CACNG2: variants seen among roughly 807,000 people sequenced by gnomAD.
The protein encoded by CACNG2 is calcium voltage-gated channel auxiliary subunit gamma 2.
In CACNG2, 3 loss-of-function variants were observed where a neutral mutation model predicts 25.9. That is an observed-to-expected ratio of 0.12 (90% CI 0.05 to 0.30). The LOEUF (loss-of-function observed/expected upper bound fraction) is 0.30, where lower values mean the gene tolerates loss of function less well. Among genes scored for constraint, CACNG2 ranks in the 10% least tolerant of loss-of-function variants. The pLI is 1.00. For missense variants in CACNG2, 341 were observed against 432.5 expected (o/e 0.79, Z 1.88); for synonymous variants, 167 against 173.3 (o/e 0.96, Z 0.29).
intron 1 of CACNG2, among the ~76,000 whole-genome samples, chr22:36,610,399 T>A (rs1935922517): frequency 6.6e-6 from 1 of 151,558 alleles, no homozygotes; most frequent in South Asian, 2.1e-4. Flanking sequence ...AGAGCGTGAT[T>A]GGGAGGAATC....
At chr22:36,613,238 T>TG (rs901205972) in intron 1 of CACNG2, among the ~76,000 whole-genome samples, 3 of 152,028 alleles carry the variant, frequency 2.0e-5, no homozygotes, top group Non-Finnish European at 4.4e-5. Flanking sequence ...GATCACTCTT[T>TG]GGGGAACACT....
At chr22:36,640,048 G>C (rs889237526) in intron 1 of CACNG2, among the ~76,000 whole-genome samples, 1 of 152,192 alleles carries the variant, frequency 6.6e-6, no homozygotes, top group African/African-American at 2.4e-5. Flanking sequence ...CATCAAAAGT[G>C]AGCAGCTCTT....
At chr22:36,589,078 A>T (rs996189588) in intron 1 of CACNG2, among the ~76,000 whole-genome samples, 1 of 147,774 alleles carries the variant, frequency 6.8e-6, no homozygotes, top group African/African-American at 2.5e-5. Flanking sequence ...GCAACCTCCA[A>T]CTCCCAAGTT....
intron 1 of CACNG2, among the ~76,000 whole-genome samples, chr22:36,634,422 G>C (rs147367128): frequency 6.6e-6 from 1 of 152,210 alleles, no homozygotes; most frequent in Non-Finnish European, 1.5e-5. Context: ...AGATTGAAAG[G>C]CATATGTCCC....
intron 1 of CACNG2, among the ~76,000 whole-genome samples, chr22:36,612,366 TA>T (rs1935955261): frequency 6.6e-6 from 1 of 152,230 alleles, no homozygotes; most frequent in South Asian, 2.1e-4. Context: ...TATATTAGTA[TA>T]ACATAAGGTG....
chr22:36,657,022 G>C (rs1244792449), intron 1 of CACNG2, among the ~76,000 whole-genome samples: 1 of 152,206 alleles, frequency 6.6e-6, no homozygotes, highest in East Asian at 1.9e-4. Context: ...GGATCCCAGT[G>C]CCCGGAAGAG....
rs1935122009 is a variant in CACNG2, at chr22:36,566,238, G to A, written c.436+115C>T. 5 of 1,096,082 alleles carry A rather than the reference G, an allele frequency of 4.6e-6. No homozygotes were observed. In the African/African-American group the frequency reaches 6.2e-5, roughly 14 times the overall value. 67.9% of individuals were successfully genotyped at this position (1,096,082 alleles called of 1,614,324 possible). A position where few individuals can be genotyped will look rare whatever the true frequency, so the allele number is the denominator to read the frequency against. On this transcript the variant is annotated intron_variant, in intron 3 of 3. Transcript: ENST00000300105. ...TCCCCTGCAACACGACCTAGTGCAA[G>A]TCTTGGAGATTTCCTCTCCTCTCTC... is the stretch of plus-strand genomic sequence containing the variant.
At position 36,676,932 on chromosome 22, in the gene CACNG2, T is replaced by TGTGTGTGTGTGTGTGTGTGTG. The variant is rs1937027309; in HGVS notation, c.211+25433_211+25434insCACACACACACACACACACAC. On this transcript the variant is annotated intron_variant, in intron 1 of 3. Coordinates refer to ENST00000300105, the MANE Select transcript of CACNG2 (RefSeq NM_006078.5). Reference sequence around the variant, plus strand: ...GCCTCTCTTTCTGCTTCTTCTAATATTGTGTGTGTGTGTGTGTGTGTGTGT... The same window carrying TGTGTGTGTGTGTGTGTGTGTG: ...GCCTCTCTTTCTGCTTCTTCTAATATGTGTGTGTGTGTGTGTGTGTGTGTGTGTGTGTGTGTGTGTGTGTGT... Among the ~76,000 whole-genome samples, 5 of 141,762 alleles carry TGTGTGTGTGTGTGTGTGTGTG rather than the reference T, an allele frequency of 3.5e-5. No homozygotes were observed. In the East Asian group the frequency reaches 6.2e-4, roughly 18 times the overall value. 93.0% of individuals were successfully genotyped at this position (141,762 alleles called of 152,430 possible).
intron 1 of CACNG2, among the ~76,000 whole-genome samples, chr22:36,648,391 C>T (rs1240186307): frequency 6.6e-6 from 1 of 152,334 alleles, no homozygotes; most frequent in Non-Finnish European, 1.5e-5. Flanking sequence ...GTGGTAGGTC[C>T]TAGACACCCA....
chr22:36,690,763 C>CTGATGA (rs370089879), intron 1 of CACNG2, among the ~76,000 whole-genome samples: 6 of 152,030 alleles, frequency 3.9e-5, no homozygotes, highest in African/African-American at 7.2e-5. Flanking sequence ...AGAATGCATC[C>CTGATGA]TGATGATGAT....
chr22:36,661,847 C>T (rs1936800750), intron 1 of CACNG2, among the ~76,000 whole-genome samples: 1 of 152,008 alleles, frequency 6.6e-6, no homozygotes, highest in Admixed American at 6.6e-5. Context: ...AGCCTCTTAA[C>T]ACTTTTCTGA....
intron 2 of CACNG2, among the ~76,000 whole-genome samples, chr22:36,571,428 G>A (rs1044054793): frequency 1.3e-5 from 2 of 151,912 alleles, no homozygotes; most frequent in African/African-American, 2.4e-5. Context: ...CTGCACTCTA[G>A]CCTGGGTGAC....
At position 36,564,901 on chromosome 22, in the gene CACNG2, G is replaced by GT. The variant is rs1289469730; in HGVS notation, c.437-16dup. On this transcript the variant is annotated splice_polypyrimidine_tract_variant and intron_variant, in intron 3 of 3. Transcript: ENST00000300105. This position sits in a 1 kb window ranked among gnomAD's most constrained non-coding sequence, Gnocchi z 6.7. Reference sequence around the variant, plus strand: ...GTTACTCAGACCTGCGGGGCGCAGGGTGGCGGGGTGGGGGATCAGAGAGAA... The same window carrying GT: ...GTTACTCAGACCTGCGGGGCGCAGGGTTGGCGGGGTGGGGGATCAGAGAGAA... 1.2e-6 allele frequency: 2 copies of GT among 1,607,322 alleles called. No homozygotes were observed. The highest frequency in any genetic ancestry group is 4.5e-5 in the East Asian group (2 of 44,882).
intron 1 of CACNG2, among the ~76,000 whole-genome samples, chr22:36,675,797 A>T (rs1268930295): frequency 6.6e-6 from 1 of 152,224 alleles, no homozygotes; most frequent in African/African-American, 2.4e-5. Context: ...AGAAAGAGAG[A>T]GAAGGAAGAA....
chr22:36,591,197 C>T lies in CACNG2; in HGVS notation c.212-3649G>A, dbSNP rs537039074. ...AACTACAGGCGCCCGCCACTACGCC[C>T]GGCTAATTTTTTTTTTTGTATTATT... On this transcript the variant is annotated intron_variant, in intron 1 of 3. Transcript: ENST00000300105. 1.2e-4 allele frequency among the ~76,000 whole-genome samples: 19 copies of T among 152,208 alleles called. No homozygotes were observed. In the East Asian group the frequency reaches 2.3e-3, roughly 19 times the overall value.
chr22:36,626,209 C>T (rs533071193), intron 1 of CACNG2, among the ~76,000 whole-genome samples: 8 of 152,156 alleles, frequency 5.3e-5, no homozygotes, highest in African/African-American at 1.4e-4. Context: ...CGTGAGCCAC[C>T]GCACCCGGCG....
At chr22:36,634,737 C>A (rs1404004674) in intron 1 of CACNG2, among the ~76,000 whole-genome samples, 1 of 152,182 alleles carries the variant, frequency 6.6e-6, no homozygotes, top group African/African-American at 2.4e-5. Flanking sequence ...TTTTGCTAGG[C>A]TCTGAGGAGG....
At chr22:36,621,474 G>A (rs1355177477) in intron 1 of CACNG2, among the ~76,000 whole-genome samples, 1 of 151,752 alleles carries the variant, frequency 6.6e-6, no homozygotes, top group Non-Finnish European at 1.5e-5. Context: ...GGAGGCTGAG[G>A]CATGAAAATC....
chr22:36,586,437 G>A (rs1025157411), intron 2 of CACNG2, among the ~76,000 whole-genome samples: 8 of 152,176 alleles, frequency 5.3e-5, no homozygotes, highest in East Asian at 1.9e-4. Context: ...AAATTGCATC[G>A]TGTTCCCTCC....
Sources: allele counts gnomAD v4.1 joint callset (sites outside exome capture counted in the v4.1 genomes callset), GRCh38; gene constraint gnomAD v4.1.1; non-coding constraint Gnocchi (gnomAD v3.1); transcripts MANE v1.5; gene names NCBI Gene and HGNC (gene_info 2026-07-23, HGNC 2026-07-21).